Variants in FARS2 observed in about 807,000 individuals in gnomAD.
The protein encoded by FARS2 is phenylalanyl-tRNA synthetase 2, mitochondrial.
A neutral mutation model predicts 46.4 loss-of-function variants in FARS2; 40 were observed. The observed-to-expected ratio is 0.86, with a 90% CI of 0.67 to 1.12. The LOEUF (loss-of-function observed/expected upper bound fraction) is 1.12. FARS2 is among the 50% of genes most tolerant of loss of function. The probability of loss-of-function intolerance (pLI) is 0.00; values close to 1 mark genes in which losing one functional copy is unlikely to be tolerated. For synonymous variants in FARS2, 234 were observed against 214.9 expected (o/e 1.09, Z -0.78); for missense variants, 513 against 567.9 (o/e 0.90, Z 0.98).
chr6:5,371,061 C>A, intron 2 of FARS2: 1 of 325,190 alleles, frequency 3.1e-6, no homozygotes, highest in Non-Finnish European at 4.4e-6. Flanking sequence ...AGAACTGGAA[C>A]TCAGCTCTTC....
intron 6 of FARS2, among the ~76,000 whole-genome samples, chr6:5,767,591 C>A (rs1414577992): frequency 6.6e-6 from 1 of 152,112 alleles, no homozygotes; most frequent in Non-Finnish European, 1.5e-5. Context: ...TTGAATCCAG[C>A]CCTGCCACTT....
intron 6 of FARS2, among the ~76,000 whole-genome samples, chr6:5,719,194 G>A (rs568002492): frequency 1.3e-5 from 2 of 152,080 alleles, no homozygotes; most frequent in South Asian, 2.1e-4. Flanking sequence ...ACCAGCCCGG[G>A]CAACAAGGTG....
At chr6:5,583,979 G>A (rs1169918562) in intron 5 of FARS2, among the ~76,000 whole-genome samples, 1 of 152,060 alleles carries the variant, frequency 6.6e-6, no homozygotes, top group East Asian at 1.9e-4. Context: ...TCCAATTTGT[G>A]ATGGAATTCA....
rs200590190 is a variant in FARS2, at chr6:5,355,368, C to CT, written c.-21-13177dup. Among the ~76,000 whole-genome samples the CT allele has an allele frequency of 2.2e-3, 313 of 142,450 alleles. 7 individuals carry two copies. Among genetic ancestry groups the CT allele is most frequent in the East Asian group, 6.5e-3 (31 of 4,782 alleles). The allele number at this position is 142,450 out of a possible 152,430, so 93.5% of individuals were successfully genotyped here. Reference sequence around the variant, plus strand: ...ATAATTTTACTTTTTTTAGGTTTTCCTTTTTGTTTTTTTTTTTTTTTTGAG... The same window carrying CT: ...ATAATTTTACTTTTTTTAGGTTTTCCTTTTTTGTTTTTTTTTTTTTTTTGAG... On this transcript the variant is annotated intron_variant, in intron 1 of 6. Coordinates refer to ENST00000274680, the MANE Select transcript of FARS2 (RefSeq NM_006567.5).
chr6:5,644,704 A>G (rs527503574), intron 6 of FARS2, among the ~76,000 whole-genome samples: 1 of 152,358 alleles, frequency 6.6e-6, no homozygotes, highest in Admixed American at 6.5e-5. Flanking sequence ...GACATTCTGA[A>G]GTTTGACCTA....
At chr6:5,386,605 G>A (rs1419204543) in intron 2 of FARS2, among the ~76,000 whole-genome samples, 3 of 152,136 alleles carry the variant, frequency 2.0e-5, no homozygotes, top group African/African-American at 7.2e-5. Flanking sequence ...AGGGATGATC[G>A]ATAAGAAAGG....
intron 6 of FARS2, among the ~76,000 whole-genome samples, chr6:5,739,940 G>A (rs1385154104): frequency 1.3e-5 from 2 of 152,164 alleles, no homozygotes; most frequent in African/African-American, 2.4e-5. Flanking sequence ...AACTCTACGA[G>A]GTAGATACTA....
chr6:5,743,293 AT>A (rs1761455613), intron 6 of FARS2, among the ~76,000 whole-genome samples: 1 of 152,126 alleles, frequency 6.6e-6, no homozygotes, highest in Non-Finnish European at 1.5e-5. Context: ...CACATTGGAA[AT>A]GGCAGAGACC....
intron 4 of FARS2, among the ~76,000 whole-genome samples, chr6:5,438,138 T>A (rs984440440): frequency 9.9e-5 from 15 of 151,968 alleles, no homozygotes; most frequent in Non-Finnish European, 1.0e-4. Context: ...TTTCAGTCAT[T>A]CTTCACTTGT....
At chr6:5,470,026 GT>G (rs1401165473) in intron 4 of FARS2, among the ~76,000 whole-genome samples, 1 of 152,178 alleles carries the variant, frequency 6.6e-6, no homozygotes, top group East Asian at 1.9e-4. Flanking sequence ...ACTTAGAATA[GT>G]TTCTGACACA....
At chr6:5,723,932 A>T (rs532804943) in intron 6 of FARS2, among the ~76,000 whole-genome samples, 28 of 151,680 alleles carry the variant, frequency 1.8e-4, no homozygotes, top group Non-Finnish European at 3.1e-4. Context: ...TAACAGGCAC[A>T]CTCCCCCAAG....
chr6:5,694,272 TAACAACAGGTAGCC>T (rs1263814938), intron 6 of FARS2, among the ~76,000 whole-genome samples: 1 of 152,226 alleles, frequency 6.6e-6, no homozygotes, highest in Non-Finnish European at 1.5e-5. Flanking sequence ...GATGCTAAGT[TAACAACAGGTAGCC>T]AACAGGAGTG....
chr6:5,332,305 T>C (rs1770852732), intron 1 of FARS2, among the ~76,000 whole-genome samples: 1 of 152,214 alleles, frequency 6.6e-6, no homozygotes, highest in Non-Finnish European at 1.5e-5. Flanking sequence ...TTCAGCGGAA[T>C]GCTAAGGAGG....
chr6:5,286,747 A>G (rs1767143143), intron 1 of FARS2, among the ~76,000 whole-genome samples: 1 of 152,254 alleles, frequency 6.6e-6, no homozygotes, highest in South Asian at 2.1e-4. Flanking sequence ...AATTATGTAT[A>G]TAGAACATGC....
At chr6:5,665,998 GA>G (rs1238085550) in intron 6 of FARS2, among the ~76,000 whole-genome samples, 2 of 152,188 alleles carry the variant, frequency 1.3e-5, no homozygotes, top group Non-Finnish European at 2.9e-5. Context: ...GCATTGAAGA[GA>G]CCCCGGGAAG....
chr6:5,266,754 C>T (rs1474789341), intron 1 of FARS2, among the ~76,000 whole-genome samples: 3 of 152,056 alleles, frequency 2.0e-5, no homozygotes, highest in African/African-American at 7.2e-5. Flanking sequence ...GTAAAGCTAA[C>T]CGGTTTGTAT....
At chr6:5,619,641 A>G (rs1016352700) in intron 6 of FARS2, among the ~76,000 whole-genome samples, 35 of 151,648 alleles carry the variant, frequency 2.3e-4, no homozygotes, top group African/African-American at 8.2e-4. Context: ...AAGTGGGTAG[A>G]CTAGAACACT....
At chr6:5,302,257 G>C (rs901203011) in intron 1 of FARS2, among the ~76,000 whole-genome samples, 3 of 152,180 alleles carry the variant, frequency 2.0e-5, no homozygotes, top group African/African-American at 7.2e-5. Context: ...AACATGTTAA[G>C]ATTCAGATTT....
intron 6 of FARS2, among the ~76,000 whole-genome samples, chr6:5,671,789 T>C (rs1778478050): frequency 6.6e-6 from 1 of 152,132 alleles, no homozygotes; most frequent in African/African-American, 2.4e-5. Flanking sequence ...CCAAAGATGT[T>C]ACAGGGACAC....
Sources: gnomAD v4.1 joint callset for allele counts (sites outside exome capture counted in the v4.1 genomes callset) on GRCh38, gnomAD v4.1.1 for gene constraint, MANE v1.5 for transcripts, NCBI Gene and HGNC (gene_info 2026-07-23, HGNC 2026-07-21) for gene names.